The following CCDC60 variants were observed in gnomAD, a reference collection of about 807,000 sequenced individuals.
CCDC60 encodes coiled-coil domain-containing protein 60.
In CCDC60, 54 loss-of-function variants were observed where a neutral mutation model predicts 63.5. That is an observed-to-expected ratio of 0.85 (90% CI 0.68 to 1.07). The LOEUF is 1.07. Among genes scored for constraint, CCDC60 ranks in the 50% least tolerant of loss-of-function variants. The probability of loss-of-function intolerance (pLI) is 0.00; values close to 1 mark genes in which losing one functional copy is unlikely to be tolerated. For synonymous variants in CCDC60, 206 were observed against 238.8 expected (o/e 0.86, Z 1.27); for missense variants, 651 against 684.3 (o/e 0.95, Z 0.54).
intron 2 of CCDC60, among the ~76,000 whole-genome samples, chr12:119,445,838 G>A (rs957144481): frequency 1.3e-5 from 2 of 152,178 alleles, no homozygotes; most frequent in Non-Finnish European, 2.9e-5. Context: ...ACTCAGGAAT[G>A]GAAAACCAAA....
chr12:119,339,839 T>A (rs949702152), intron 1 of CCDC60, among the ~76,000 whole-genome samples: 5 of 152,038 alleles, frequency 3.3e-5, no homozygotes, highest in Non-Finnish European at 7.4e-5. Context: ...AAGAGCAGAT[T>A]CTTCGCAAAC....
intron 5 of CCDC60, among the ~76,000 whole-genome samples, chr12:119,496,804 G>T (rs1951724401): frequency 6.6e-6 from 1 of 152,218 alleles, no homozygotes; most frequent in South Asian, 2.1e-4. Context: ...CCAACCTATT[G>T]TTAAATTCAC....
At chr12:119,512,925 A>G (rs1434390562) in intron 7 of CCDC60, among the ~76,000 whole-genome samples, 1 of 152,114 alleles carries the variant, frequency 6.6e-6, no homozygotes, top group Non-Finnish European at 1.5e-5. Context: ...TTCTTGACAT[A>G]TCTCTGATCT....
At chr12:119,441,628 C>G (rs1229434336) in intron 2 of CCDC60, among the ~76,000 whole-genome samples, 1 of 152,306 alleles carries the variant, frequency 6.6e-6, no homozygotes, top group South Asian at 2.1e-4. Context: ...AGCTTTAAAT[C>G]AATGGAACTA....
At chr12:119,510,890 G>C (rs1952199942) in intron 7 of CCDC60, among the ~76,000 whole-genome samples, 1 of 152,174 alleles carries the variant, frequency 6.6e-6, no homozygotes, top group African/African-American at 2.4e-5. Context: ...TCATTGCCCA[G>C]AACTTAGTCA....
intron 2 of CCDC60, among the ~76,000 whole-genome samples, chr12:119,446,075 A>T (rs1950537590): frequency 6.6e-6 from 1 of 152,138 alleles, no homozygotes; most frequent in African/African-American, 2.4e-5. Context: ...TTATGGAAAA[A>T]TTTAAAAATA....
chr12:119,524,856 G>T (rs772520329), intron 11 of CCDC60, among the ~76,000 whole-genome samples: 20 of 150,876 alleles, frequency 1.3e-4, no homozygotes, highest in Non-Finnish European at 2.2e-4. Flanking sequence ...TTTACAGATA[G>T]GGTCTTGCTA....
rs776545241 is a variant in CCDC60, at chr12:119,505,218, T to C, written c.798T>C (p.Ser266=). 16 of 1,613,840 alleles carry C rather than the reference T, an allele frequency of 9.9e-6. No homozygotes were observed. Among genetic ancestry groups the C allele is most frequent in the Non-Finnish European group, 1.4e-5 (16 of 1,180,024 alleles). The change falls in exon 7 of 14, where the codon AGT becomes AGC. Residue 266 remains serine (S), a synonymous_variant. Transcript: ENST00000327554. ...ACCCTGGCTCGGATGAGCCCCCAAG[T>C]GTGAACACCCAGGTGACCAGCAGCA... is the stretch of plus-strand genomic sequence containing the variant. ...SVNPGSDEPP[S]VNTQVTSSKD... is the part of the protein sequence containing the mutation.
chr12:119,485,508 T>C (rs1440743161), intron 4 of CCDC60, among the ~76,000 whole-genome samples: 1 of 152,234 alleles, frequency 6.6e-6, no homozygotes, highest in Non-Finnish European at 1.5e-5. Context: ...ATCAAGGTGC[T>C]GTCAGCGTTG....
At chr12:119,414,454 T>A (rs1188131383) in intron 1 of CCDC60, among the ~76,000 whole-genome samples, 1 of 152,252 alleles carries the variant, frequency 6.6e-6, no homozygotes, top group Non-Finnish European at 1.5e-5. Flanking sequence ...ATAATGTCTT[T>A]CCTTCCAGTT....
At chr12:119,377,103 A>G (rs1367420410) in intron 1 of CCDC60, among the ~76,000 whole-genome samples, 1 of 151,874 alleles carries the variant, frequency 6.6e-6, no homozygotes, top group African/African-American at 2.4e-5. Flanking sequence ...AAAAATACAA[A>G]AATTAGCTGG....
At chr12:119,393,395 C>G (rs1172416770) in intron 1 of CCDC60, among the ~76,000 whole-genome samples, 1 of 152,218 alleles carries the variant, frequency 6.6e-6, no homozygotes, top group African/African-American at 2.4e-5. Flanking sequence ...TGATTTTATA[C>G]TTCCTGCAGT....
intron 7 of CCDC60, among the ~76,000 whole-genome samples, chr12:119,508,561 TAG>T (rs1198625520): frequency 6.6e-6 from 1 of 151,660 alleles, no homozygotes; most frequent in African/African-American, 2.4e-5. Context: ...AATGCTGGGA[TAG>T]AGAGAGACCG....
chr12:119,389,376 G>C (rs186498497), intron 1 of CCDC60, among the ~76,000 whole-genome samples: 13 of 152,128 alleles, frequency 8.5e-5, no homozygotes, highest in Admixed American at 2.6e-4. Context: ...ATACTACAAG[G>C]GCAGAGTTGT....
Position 119,540,608 on chromosome 12 carries a change from TC to T in CCDC60, c.1552-5del. 1 of 1,607,876 alleles carries T rather than the reference TC, an allele frequency of 6.2e-7. No homozygotes were observed. The highest frequency in any genetic ancestry group is 8.5e-7 in the Non-Finnish European group (1 of 1,174,794). ...TTCTGAGATTGCCACTATGTCTGCC[TC>T]ACAGTTTGTGCGAGAACACATCATC... On this transcript the variant is annotated splice_region_variant and splice_polypyrimidine_tract_variant and intron_variant, in intron 13 of 13. Transcript: ENST00000327554.
chr12:119,458,406 A>G (rs998343838), intron 2 of CCDC60, among the ~76,000 whole-genome samples: 1 of 152,248 alleles, frequency 6.6e-6, no homozygotes, highest in African/African-American at 2.4e-5. Context: ...ATGTAGAGCC[A>G]TAATACCATT....
intron 1 of CCDC60, among the ~76,000 whole-genome samples, chr12:119,396,517 T>C (rs1956257898): frequency 6.6e-6 from 1 of 152,110 alleles, no homozygotes; most frequent in East Asian, 1.9e-4. Context: ...ACAAGGGCTT[T>C]GGTGTGGGCC....
At position 119,335,231 on chromosome 12, in the gene CCDC60, G is replaced by T. The variant is rs996656093; in HGVS notation, c.55G>T (p.Val19Phe). Residue 19 changes from valine to phenylalanine, a missense_variant, in exon 1 of 14, where the codon GTC becomes TTC. By Grantham distance (50) the Val-to-Phe change is conservative (BLOSUM62 -1). Transcript: ENST00000327554. ...KLQSSPNSGAVRPFYASENLR... is the reference protein window; with the variant it reads ...KLQSSPNSGAFRPFYASENLR... ...TCAGAGTTCCCCCAACTCGGGGGCT[G>T]TCCGGCCCTTTTATGCCTCGGAGAA... 19 of 1,605,338 alleles carry T rather than the reference G, an allele frequency of 1.2e-5. No individual in the cohort carries two copies. In the Admixed American group the frequency reaches 2.1e-4, roughly 17 times the overall value.
intron 7 of CCDC60, 31 bp downstream of exon 7, chr12:119,505,334 C>T (rs770177259): frequency 6.7e-7 from 1 of 1,483,048 alleles, no homozygotes; most frequent in South Asian, 1.1e-5. Context: ...GACTCATCTA[C>T]CCTGACCCTT....
Sources: allele counts gnomAD v4.1 joint callset (sites outside exome capture counted in the v4.1 genomes callset), GRCh38; gene constraint gnomAD v4.1.1; transcripts MANE v1.5; gene names NCBI Gene and HGNC (gene_info 2026-07-23, HGNC 2026-07-21).